The following TRIP12 variants were observed in gnomAD, a reference collection of about 807,000 sequenced individuals.
The protein encoded by TRIP12 is thyroid hormone receptor interactor 12.
Under a neutral mutation model 244.2 loss-of-function variants are expected in TRIP12, and 25 were observed. That is an observed-to-expected ratio of 0.10 (90% confidence interval 0.07 to 0.14). TRIP12 has a LOEUF of 0.14. TRIP12 is among the 10% of genes least tolerant of loss of function. TRIP12 has a pLI of 1.00. For synonymous variants in TRIP12, 905 were observed against 873.1 expected, an observed-to-expected ratio of 1.04 and a Z score of -0.64; for missense variants, 1,677 against 2,486.4, an observed-to-expected ratio of 0.67 and a Z score of 6.92.
Position 229,778,281 on chromosome 2 carries a change from G to A in TRIP12, c.5364+152C>T, listed in dbSNP as rs967135713. ...ACCCCTGCCCTACTGAATCAGAACC[G>A]GCATTTTTAACAAAATCCCCAAGTA... On this transcript the variant is annotated intron_variant, in intron 36 of 41. Transcript: ENST00000675903. The surrounding 1 kb of genome is among the most constrained non-coding windows in gnomAD (Gnocchi z 4.1). 1.3e-5 allele frequency: 14 copies of A among 1,046,350 alleles called. No individual in the cohort carries two copies. Among genetic ancestry groups the A allele is most frequent in the South Asian group, 1.7e-5 (1 of 58,254 alleles). 64.8% of individuals were successfully genotyped at this position (1,046,350 alleles called of 1,614,324 possible). A position where few individuals can be genotyped will look rare whatever the true frequency, so the allele number is the denominator to read the frequency against.
intron 1 of TRIP12, among the ~76,000 whole-genome samples, chr2:229,880,666 G>A (rs145784262): frequency 3.2e-4 from 49 of 152,294 alleles, no homozygotes; most frequent in African/African-American, 1.0e-3. Flanking sequence ...AATCGTGGCC[G>A]GGTGGAGTGG....
At chr2:229,810,592 C>G (rs1327336258) in intron 15 of TRIP12, among the ~76,000 whole-genome samples, 3 of 152,076 alleles carry the variant, frequency 2.0e-5, no homozygotes, top group Non-Finnish European at 4.4e-5. Context: ...TCAGAATTCT[C>G]CTAATCAAGG....
At chr2:229,865,087 T>C (rs1269435252) in intron 2 of TRIP12, among the ~76,000 whole-genome samples, 1 of 151,998 alleles carries the variant, frequency 6.6e-6, no homozygotes, top group East Asian at 1.9e-4. Context: ...AGCAGGTGGA[T>C]TGCTTGAGCT....
chr2:229,908,765 T>C (rs1174537108), intron 1 of TRIP12, among the ~76,000 whole-genome samples: 1 of 147,152 alleles, frequency 6.8e-6, no homozygotes, highest in Non-Finnish European at 1.5e-5. Context: ...CTGCTGGACA[T>C]GGTGGCTTAC....
rs1397106251 is a variant in TRIP12 at position 229,884,233 on chromosome 2, TTTC to T, written c.-49-4108_-49-4106del. Among the ~76,000 whole-genome samples, 612 of 125,506 alleles carry T rather than the reference TTTC, an allele frequency of 4.9e-3. 5 individuals are homozygous for T. The highest frequency in any genetic ancestry group is 0.027 in the South Asian group (97 of 3,528). The allele number at this position is 125,506 out of a possible 152,430, so 82.3% of individuals were successfully genotyped here. On this transcript the variant is annotated intron_variant, in intron 1 of 41. Coordinates refer to ENST00000675903, the MANE Select transcript of TRIP12 (RefSeq NM_001348323.3). The stretch of plus-strand genomic sequence containing the variant: ...ACTAAAAACATTTTGCAATTTTTCT[TTTC>T]TTTTTTTTTTTTTTTTTTGAGACAG...
In TRIP12 at chr2:229,871,826, T is replaced by C. The variant is rs551151302; in HGVS notation, c.98+8156A>G. Among the ~76,000 whole-genome samples, 51 of 152,234 alleles carry C rather than the reference T, an allele frequency of 3.4e-4. 1 individual carries two copies. In the South Asian group the frequency reaches 9.3e-3, roughly 28 times the overall value. The stretch of plus-strand genomic sequence containing the variant: ...TTATATGCAAATGAAAGTAGTCTTA[T>C]AGAAGACAATTTTCTAGAAGAGTAA... On this transcript the variant is annotated intron_variant, in intron 2 of 41. Coordinates refer to ENST00000675903, the MANE Select transcript of TRIP12 (RefSeq NM_001348323.3).
At chr2:229,810,748 T>C in intron 15 of TRIP12, 132 bp downstream of exon 15, 1 of 863,672 alleles carries the variant, frequency 1.2e-6, no homozygotes, top group East Asian at 2.7e-5. Context: ...TATTACATAT[T>C]AACACTTTTC....
chr2:229,878,179 C>T (rs767328819), intron 2 of TRIP12, among the ~76,000 whole-genome samples: 1 of 152,156 alleles, frequency 6.6e-6, no homozygotes, highest in Non-Finnish European at 1.5e-5. Context: ...AGGCTGGGCG[C>T]GGTGGCTAAC....
intron 13 of TRIP12, among the ~76,000 whole-genome samples, chr2:229,812,813 A>T (rs2047594623): frequency 6.7e-6 from 1 of 149,200 alleles, no homozygotes; most frequent in Non-Finnish European, 1.5e-5. Flanking sequence ...AAACAAAAAC[A>T]AAACAGAACA....
chr2:229,864,019 A>T (rs1432379158), intron 2 of TRIP12, among the ~76,000 whole-genome samples: 1 of 130,690 alleles, frequency 7.7e-6, no homozygotes, highest in Non-Finnish European at 1.7e-5. Context: ...AGAGAGAGAG[A>T]GAGAGAGAGA....
chr2:229,922,523 T>G, upstream of TRIP12: 1 of 1,613,916 alleles, frequency 6.2e-7, no homozygotes, highest in South Asian at 1.1e-5. Flanking sequence ...GATGGCGTCG[T>G]GGCTGCCGGA....
chr2:229,829,245 A>T lies in TRIP12; in HGVS notation c.1398T>A (p.Pro466=), dbSNP rs1293476875. 2 of 1,614,032 alleles carry T rather than the reference A, an allele frequency of 1.2e-6. No individual in the cohort carries two copies. The highest frequency in any genetic ancestry group is 2.2e-5 in the South Asian group (2 of 91,028). ...ARGLPPHLFG[P]LGPRMSQLFH... ...AAAGCTGTGACATCCGAGGACCAAG[A>T]GGACCAAATAGGTGAGGGGGAAGAC... is the stretch of plus-strand genomic sequence containing the variant. The change falls in exon 8 of 42, where the codon CCT becomes CCA. Residue 466 remains proline, a synonymous_variant. Coordinates refer to ENST00000675903, the MANE Select transcript of TRIP12 (RefSeq NM_001348323.3).
chr2:229,791,750 G>A (rs2041599263), intron 29 of TRIP12, 116 bp downstream of exon 29: 2 of 1,066,000 alleles, frequency 1.9e-6, no homozygotes, highest in Non-Finnish European at 1.4e-6. Flanking sequence ...ACTAAAATGT[G>A]TGATTTAGGG....
At chr2:229,838,388 T>C (rs1313648583) in intron 5 of TRIP12, among the ~76,000 whole-genome samples, 3 of 152,188 alleles carry the variant, frequency 2.0e-5, no homozygotes, top group African/African-American at 7.2e-5. Flanking sequence ...ACACCCTTAG[T>C]AGGTGACCAA....
intron 8 of TRIP12, among the ~76,000 whole-genome samples, chr2:229,826,632 A>C (rs148638670): frequency 6.6e-6 from 1 of 152,186 alleles, no homozygotes; most frequent in Admixed American, 6.5e-5. Context: ...GTATACCTAA[A>C]CCAAGATGGT....
rs1158113974 is a variant in TRIP12 at position 229,765,150 on chromosome 2, T to C, written c.*2404A>G. 6.6e-6 allele frequency: 1 copy of C among 152,168 alleles called. No individual in the cohort carries two copies. Among genetic ancestry groups the C allele is most frequent in the Non-Finnish European group, 1.5e-5 (1 of 68,038 alleles). The allele number at this position is 152,168 out of a possible 1,614,324, so 9.4% of individuals were successfully genotyped here. A position where few individuals can be genotyped will look rare whatever the true frequency, so the allele number is the denominator to read the frequency against. On this transcript the variant is annotated 3_prime_UTR_variant, in exon 42 of 42. Coordinates refer to ENST00000675903, the MANE Select transcript of TRIP12 (RefSeq NM_001348323.3). Reference sequence around the variant, plus strand: ...CAGATCGAATCAGTAACTGTCTAAATGACAACACAAATTCGGTGTTAGCTA... The same window carrying C: ...CAGATCGAATCAGTAACTGTCTAAACGACAACACAAATTCGGTGTTAGCTA...
intron 20 of TRIP12, among the ~76,000 whole-genome samples, chr2:229,803,206 C>T (rs1181904710): frequency 6.6e-6 from 1 of 152,202 alleles, no homozygotes; most frequent in East Asian, 1.9e-4. Flanking sequence ...ACTGTAATCC[C>T]ACGCTGAGGC....
At chr2:229,912,749 T>C (rs145544380) in intron 1 of TRIP12, among the ~76,000 whole-genome samples, 3 of 152,366 alleles carry the variant, frequency 2.0e-5, no homozygotes, top group South Asian at 4.1e-4. Context: ...TCAACTCATC[T>C]ACAACAAAGT....
intron 6 of TRIP12, among the ~76,000 whole-genome samples, chr2:229,833,532 A>G (rs1295247497): frequency 6.6e-6 from 1 of 152,026 alleles, no homozygotes; most frequent in Non-Finnish European, 1.5e-5. Flanking sequence ...CAAGTGATCC[A>G]CCTGCCTCGG....
Sources: allele counts gnomAD v4.1 joint callset (sites outside exome capture counted in the v4.1 genomes callset), GRCh38; gene constraint gnomAD v4.1.1; non-coding constraint Gnocchi (gnomAD v3.1); transcripts MANE v1.5; gene names NCBI Gene and HGNC (gene_info 2026-07-23, HGNC 2026-07-21).